Variants in TNS1 observed in about 807,000 individuals in gnomAD.
TNS1 encodes tensin 1.
TNS1 carries 62 observed loss-of-function variants against 168.6 expected under a neutral mutation model. The observed-to-expected ratio is 0.37, with a 90% CI of 0.30 to 0.45. The LOEUF is 0.45. TNS1 is among the 20% of genes least tolerant of loss of function. The pLI is 1.00. For missense variants in TNS1, 2,240 were observed against 2,339.4 expected (o/e 0.96, Z 0.88); for synonymous variants, 934 against 933.2 (o/e 1.00, Z -0.02).
chr2:218,024,302 A>G (rs1399391120), intron 1 of TNS1, among the ~76,000 whole-genome samples: 2 of 120,498 alleles, frequency 1.7e-5, no homozygotes, highest in South Asian at 2.9e-4. Context: ...GAAACCACCC[A>G]CCCCCCCATC....
At chr2:217,955,928 G>A (rs1439131449) in intron 3 of TNS1, among the ~76,000 whole-genome samples, 3 of 152,126 alleles carry the variant, frequency 2.0e-5, no homozygotes, top group South Asian at 2.1e-4. Context: ...AACAGGTAAC[G>A]CTCCCACAAA....
chr2:217,827,506 C>T (rs1348902040), intron 22 of TNS1, among the ~76,000 whole-genome samples: 1 of 152,214 alleles, frequency 6.6e-6, no homozygotes. Context: ...CCTGCCCCTT[C>T]CCCGCTCCAC....
intron 18 of TNS1, among the ~76,000 whole-genome samples, chr2:217,862,345 G>A (rs1948860871): frequency 6.6e-6 from 1 of 152,114 alleles, no homozygotes; most frequent in South Asian, 2.1e-4. Context: ...TTTCCCAATA[G>A]TGGGTGGGTT....
intron 3 of TNS1, among the ~76,000 whole-genome samples, chr2:217,932,341 C>A (rs181257674): frequency 6.6e-6 from 1 of 152,196 alleles, no homozygotes; most frequent in Non-Finnish European, 1.5e-5. Context: ...AACTTCCCTG[C>A]GTCTCAGTTT....
intron 16 of TNS1, among the ~76,000 whole-genome samples, chr2:217,883,938 T>C (rs1161706827): frequency 6.6e-6 from 1 of 152,218 alleles, no homozygotes; most frequent in Non-Finnish European, 1.5e-5. Context: ...GGATGGCATC[T>C]GCTCCATGGG....
At chr2:217,947,395 G>A (rs1029901118) in intron 3 of TNS1, among the ~76,000 whole-genome samples, 5 of 152,208 alleles carry the variant, frequency 3.3e-5, no homozygotes, top group African/African-American at 7.2e-5. Flanking sequence ...GCCTGGCATC[G>A]AGCAGGCGCC....
At chr2:217,993,608 G>A (rs956722811) in intron 1 of TNS1, among the ~76,000 whole-genome samples, 2 of 152,206 alleles carry the variant, frequency 1.3e-5, no homozygotes, top group Admixed American at 1.3e-4. Context: ...TCAAGGAAAG[G>A]CTGAGGAGCT....
chr2:218,008,389 C>T (rs553772457), intron 1 of TNS1, among the ~76,000 whole-genome samples: 13 of 152,306 alleles, frequency 8.5e-5, no homozygotes, highest in Admixed American at 3.3e-4. Context: ...CCTCTACCTC[C>T]GCAAATGGGG....
At chr2:217,891,135 G>T in intron 11 of TNS1, 90 bp from the exon 12 acceptor site, 1 of 1,277,198 alleles carries the variant, frequency 7.8e-7, no homozygotes, top group Non-Finnish European at 1.1e-6. Context: ...GACCTGCAGA[G>T]CACTCTGGCC....
rs535983438 is a variant in TNS1, at chr2:217,804,497, C to T, written c.5482G>A (p.Val1828Ile). The T allele has an allele frequency of 1.2e-5, 20 of 1,614,116 alleles. No homozygotes were observed. The highest frequency in any genetic ancestry group is 9.3e-5 in the African/African-American group (7 of 75,034). Reference protein sequence around the residue: ...NQPASAIVNFVSKVMLNAGQK... With the variant: ...NQPASAIVNFISKVMLNAGQK... ...CCGGCATTCAGCATGACCTTGGAGACGAAGTTGACGATGGCAGAGGCCGGC... is the reference window on the plus strand; with the variant it reads ...CCGGCATTCAGCATGACCTTGGAGATGAAGTTGACGATGGCAGAGGCCGGC... The change falls in exon 33 of 33, where the codon GTC becomes ATC. Residue 1828 changes from valine (V) to isoleucine (I), a missense_variant. By Grantham distance (29) the Val-to-Ile change is conservative. This residue lies in a region of TNS1 where 109 missense variants were observed against 168.1 expected (regional missense o/e 0.65). Transcript: ENST00000682258.
chr2:218,010,368 C>G (rs1277786000), exon 1 of TNS1: 2 of 393,706 alleles, frequency 5.1e-6, no homozygotes, highest in Non-Finnish European at 9.0e-6. Flanking sequence ...CCTGCTGCCC[C>G]CTCTAGCGGG....
chr2:217,988,746 A>C (rs1296891401), intron 2 of TNS1, among the ~76,000 whole-genome samples: 1 of 152,032 alleles, frequency 6.6e-6, no homozygotes, highest in African/African-American at 2.4e-5. Context: ...CTGGTTAGCC[A>C]CTTTCCCTCC....
upstream of TNS1, among the ~76,000 whole-genome samples, chr2:218,012,253 A>T (rs77836710): frequency 8.4e-3 from 1,280 of 152,318 alleles, 8 homozygotes; most frequent in Non-Finnish European, 0.011. Flanking sequence ...TGGAATTTCT[A>T]AAATAGGAGG....
intron 18 of TNS1, among the ~76,000 whole-genome samples, chr2:217,853,110 C>T (rs1947719167): frequency 6.6e-6 from 1 of 152,154 alleles, no homozygotes; most frequent in Non-Finnish European, 1.5e-5. Context: ...CCCTTCTCAC[C>T]ATCCACCACG....
intron 1 of TNS1, among the ~76,000 whole-genome samples, chr2:218,028,148 A>G (rs1006757013): frequency 6.6e-6 from 1 of 152,186 alleles, no homozygotes; most frequent in African/African-American, 2.4e-5. Context: ...TTCAAACCTC[A>G]AAAAGTCCTT....
rs1282178894 is a variant in TNS1 at position 217,880,472 on chromosome 2, GT to G, written c.1429+425del. Among the ~76,000 whole-genome samples the G allele has an allele frequency of 1.3e-5, 2 of 152,122 alleles. No individual in the cohort carries two copies. Among genetic ancestry groups the G allele is most frequent in the African/African-American group, 4.8e-5 (2 of 41,420 alleles). On this transcript the variant is annotated intron_variant, in intron 18 of 32. Coordinates refer to ENST00000682258, the MANE Select transcript of TNS1 (RefSeq NM_001387777.1). This position sits in a 1 kb window ranked among gnomAD's most constrained non-coding sequence, Gnocchi z 4.2. ...GCAGCAAGCCTGAAGAAACCCAACA[GT>G]GGGTTTAATACACATGTGACAAATG...
chr2:217,873,300 A>T (rs1949933364), intron 18 of TNS1, among the ~76,000 whole-genome samples: 1 of 152,232 alleles, frequency 6.6e-6, no homozygotes, highest in Non-Finnish European at 1.5e-5. Flanking sequence ...CAAAGGTGTA[A>T]AAAGATTAGA....
intron 3 of TNS1, among the ~76,000 whole-genome samples, chr2:217,942,779 T>C (rs1173293152): frequency 6.6e-6 from 1 of 150,610 alleles, no homozygotes; most frequent in African/African-American, 2.4e-5. Flanking sequence ...ACCGCCTGCC[T>C]GCCTGCCCTC....
intron 18 of TNS1, chr2:217,879,224 T>C (rs1574924180): frequency 9.9e-6 from 3 of 302,514 alleles, no homozygotes; most frequent in South Asian, 7.2e-5. Context: ...CTTTATAGTT[T>C]ACTAAATGTT....
Sources: allele counts gnomAD v4.1 joint callset (sites outside exome capture counted in the v4.1 genomes callset), GRCh38; gene constraint gnomAD v4.1.1; regional missense constraint gnomAD v4.1.1; non-coding constraint Gnocchi (gnomAD v3.1); transcripts MANE v1.5; gene names NCBI Gene and HGNC (gene_info 2026-07-23, HGNC 2026-07-21).